The following CCSER1 variants were observed in gnomAD, a reference collection of about 807,000 sequenced individuals.
The protein encoded by CCSER1 is serine-rich coiled-coil domain-containing protein 1.
In CCSER1, 41 loss-of-function variants were observed where a neutral mutation model predicts 82.0. The ratio of observed to expected loss-of-function variants is 0.50; its 90% CI spans 0.39 to 0.65. CCSER1 has a LOEUF of 0.65. Among genes scored for constraint, CCSER1 ranks in the 30% least tolerant of loss-of-function variants. CCSER1 has a pLI of 0.00. For missense variants in CCSER1, 1,119 were observed against 1,064.2 expected (o/e 1.05, Z -0.72); for synonymous variants, 414 against 383.9 (o/e 1.08, Z -0.92).
At position 91,113,524 on chromosome 4, in the gene CCSER1, G is replaced by A. The variant is rs138999638; in HGVS notation, c.2217+27530G>A. Among the ~76,000 whole-genome samples, 623 of 152,294 alleles carry A rather than the reference G, an allele frequency of 4.1e-3. 8 individuals carry two copies. The highest frequency in any genetic ancestry group is 0.014 in the African/African-American group (601 of 41,562). The stretch of plus-strand genomic sequence containing the variant: ...GATTTAAATTTCTGCCATCAAGCCC[G>A]TGGTTTTCCCACAATCCAAGCTACA... On this transcript the variant is annotated intron_variant, in intron 10 of 10. Transcript: ENST00000509176.
intron 5 of CCSER1, among the ~76,000 whole-genome samples, chr4:90,602,782 G>A (rs1373850992): frequency 3.9e-5 from 6 of 152,108 alleles, no homozygotes; most frequent in African/African-American, 1.4e-4. Flanking sequence ...ATGCACATAG[G>A]ATTATTTATC....
intron 5 of CCSER1, among the ~76,000 whole-genome samples, chr4:90,503,774 G>T (rs1016147912): frequency 1.3e-5 from 2 of 151,804 alleles, no homozygotes; most frequent in Non-Finnish European, 2.9e-5. Flanking sequence ...AGTATTCCAT[G>T]GTGTATTATA....
intron 10 of CCSER1, among the ~76,000 whole-genome samples, chr4:91,250,552 G>A (rs1411929167): frequency 6.6e-6 from 1 of 151,244 alleles, no homozygotes; most frequent in Non-Finnish European, 1.5e-5. Flanking sequence ...TTGTGTTTTA[G>A]GCATGCATGC....
intron 10 of CCSER1, among the ~76,000 whole-genome samples, chr4:91,443,125 A>G (rs1755304443): frequency 6.6e-6 from 1 of 152,130 alleles, no homozygotes; most frequent in Admixed American, 6.5e-5. Flanking sequence ...ATTACTGGGT[A>G]TATACCCAAA....
intron 4 of CCSER1, among the ~76,000 whole-genome samples, chr4:90,414,247 T>C (rs894454512): frequency 2.6e-5 from 4 of 151,364 alleles, no homozygotes; most frequent in African/African-American, 9.7e-5. Flanking sequence ...CTAATTTTAT[T>C]GTTTTAAATT....
intron 1 of CCSER1, among the ~76,000 whole-genome samples, chr4:90,277,922 G>T (rs1169896614): frequency 6.6e-6 from 1 of 152,046 alleles, no homozygotes; most frequent in Non-Finnish European, 1.5e-5. Flanking sequence ...GAAAATATTT[G>T]CAAACTCTGC....
intron 4 of CCSER1, among the ~76,000 whole-genome samples, chr4:90,465,994 A>G (rs1030898888): frequency 6.6e-6 from 1 of 152,216 alleles, no homozygotes; most frequent in African/African-American, 2.4e-5. Flanking sequence ...AATTGAAGTA[A>G]CAATGCCATA....
chr4:90,301,856 T>C (rs1249641979), intron 1 of CCSER1, among the ~76,000 whole-genome samples: 1 of 152,124 alleles, frequency 6.6e-6, no homozygotes, highest in African/African-American at 2.4e-5. Flanking sequence ...GAAATAAAAT[T>C]AGCAGTTATG....
At chr4:90,921,760 A>G (rs887293645) in intron 8 of CCSER1, among the ~76,000 whole-genome samples, 2 of 152,020 alleles carry the variant, frequency 1.3e-5, no homozygotes, top group Non-Finnish European at 2.9e-5. Flanking sequence ...TCTAATTCAT[A>G]CAAAAAAGTT....
chr4:91,082,546 C>T (rs1201663007), intron 9 of CCSER1, among the ~76,000 whole-genome samples: 4 of 152,038 alleles, frequency 2.6e-5, no homozygotes, highest in African/African-American at 9.7e-5. Context: ...CAACAGAAGC[C>T]AAAATTGACA....
At chr4:91,443,584 G>C (rs927132774) in intron 10 of CCSER1, among the ~76,000 whole-genome samples, 1 of 151,132 alleles carries the variant, frequency 6.6e-6, no homozygotes, top group Non-Finnish European at 1.5e-5. Flanking sequence ...CAGCACACCA[G>C]CATGGCACAT....
Position 91,598,782 on chromosome 4 carries a change from T to C in CCSER1, c.2428T>C (p.Tyr810His). 1 of 1,551,604 alleles carries C rather than the reference T, an allele frequency of 6.4e-7. No individual in the cohort carries two copies. Among genetic ancestry groups the C allele is most frequent in the East Asian group, 2.4e-5 (1 of 40,924 alleles). The change falls in exon 11 of 11, where the codon TAT becomes CAT. Residue 810 changes from tyrosine (Y) to histidine (H), a missense_variant. Coordinates refer to ENST00000509176, the MANE Select transcript of CCSER1 (RefSeq NM_001145065.2). ...AEVIKHSRGT[Y>H]ETLTSDVTQN... ...AGTTATCAAACATTCAAGAGGAACTTATGAAACCCTCACTTCAGACGTTAC... is the reference window on the plus strand; with the variant it reads ...AGTTATCAAACATTCAAGAGGAACTCATGAAACCCTCACTTCAGACGTTAC...
At chr4:90,391,819 AT>A (rs901040473) in intron 3 of CCSER1, among the ~76,000 whole-genome samples, 24 of 151,600 alleles carry the variant, frequency 1.6e-4, no homozygotes, top group African/African-American at 3.9e-4. Context: ...CTTTTCCCAG[AT>A]TTTTTTTATA....
chr4:90,858,877 C>CG (rs1764748511), intron 8 of CCSER1, among the ~76,000 whole-genome samples: 1 of 151,732 alleles, frequency 6.6e-6, no homozygotes, highest in Admixed American at 6.6e-5. Context: ...GAGAGGGAAG[C>CG]GGAAGAGCTG....
chr4:90,553,063 C>T (rs918504735), intron 5 of CCSER1, among the ~76,000 whole-genome samples: 6 of 151,874 alleles, frequency 4.0e-5, no homozygotes, highest in Non-Finnish European at 8.8e-5. Flanking sequence ...CTCCACCTCC[C>T]GGGTTCAAGA....
At chr4:91,233,291 T>C (rs1456307620) in intron 10 of CCSER1, among the ~76,000 whole-genome samples, 1 of 151,928 alleles carries the variant, frequency 6.6e-6, no homozygotes, top group Non-Finnish European at 1.5e-5. Flanking sequence ...ATCATTTTAT[T>C]TTAATAAAAA....
At chr4:91,425,621 A>C (rs1753922650) in intron 10 of CCSER1, among the ~76,000 whole-genome samples, 1 of 152,190 alleles carries the variant, frequency 6.6e-6, no homozygotes, top group African/African-American at 2.4e-5. Flanking sequence ...ACCCAATTCA[A>C]CTTTTATCTT....
rs920775411 is a variant in CCSER1 at position 90,472,721 on chromosome 4, G to A, written c.1724+4367G>A. ...TAGAATAATCTATGTAATCCAAAAA[G>A]AGTGTACAATTTTCAAATATTTAAT... On this transcript the variant is annotated intron_variant, in intron 5 of 10. Transcript: ENST00000509176. Among the ~76,000 whole-genome samples the A allele has an allele frequency of 1.3e-5, 2 of 152,118 alleles. 1 individual carries two copies. The highest frequency in any genetic ancestry group is 4.2e-4 in the South Asian group (2 of 4,816).
chr4:90,359,500 G>T (rs1233059694), intron 3 of CCSER1, among the ~76,000 whole-genome samples: 1 of 152,060 alleles, frequency 6.6e-6, no homozygotes. Flanking sequence ...AGCAGTTTGG[G>T]AGGCTGAGGT....
Sources: gnomAD v4.1 joint callset for allele counts (sites outside exome capture counted in the v4.1 genomes callset) on GRCh38, gnomAD v4.1.1 for gene constraint, MANE v1.5 for transcripts, NCBI Gene and HGNC (gene_info 2026-07-23, HGNC 2026-07-21) for gene names.